CACNA2D4: variants seen among roughly 807,000 people sequenced by gnomAD.
CACNA2D4 encodes voltage-dependent calcium channel subunit alpha-2/delta-4.
Under a neutral mutation model 163.8 loss-of-function variants are expected in CACNA2D4, and 157 were observed. That is an observed-to-expected ratio of 0.96 (90% CI 0.84 to 1.09). The LOEUF is 1.09. Ranked by LOEUF, CACNA2D4 falls within the 50% of genes least tolerant of loss-of-function variation. CACNA2D4 has a pLI of 0.00. For synonymous variants in CACNA2D4, 598 were observed against 586.9 expected, an observed-to-expected ratio of 1.02 and a Z score of -0.27; for missense variants, 1,410 against 1,479.9, an observed-to-expected ratio of 0.95 and a Z score of 0.78.
intron 23 of CACNA2D4, among the ~76,000 whole-genome samples, chr12:1,848,157 T>C (rs1865193644): frequency 6.6e-6 from 1 of 152,200 alleles, no homozygotes; most frequent in African/African-American, 2.4e-5. Flanking sequence ...TTTAGAACAT[T>C]TTCATCACCC....
At chr12:1,870,415 CTGGAAA>C (rs1865744488) in intron 18 of CACNA2D4, among the ~76,000 whole-genome samples, 1 of 151,834 alleles carries the variant, frequency 6.6e-6, no homozygotes, top group Non-Finnish European at 1.5e-5. Context: ...TCCAGACACT[CTGGAAA>C]TGCAAATTCT....
intron 26 of CACNA2D4, among the ~76,000 whole-genome samples, chr12:1,825,186 G>T (rs752029448): frequency 2.6e-5 from 4 of 152,236 alleles, no homozygotes; most frequent in Non-Finnish European, 5.9e-5. Context: ...GCCTTCACCA[G>T]CCTGTTTGCT....
intron 6 of CACNA2D4, among the ~76,000 whole-genome samples, chr12:1,901,216 G>T (rs1866529155): frequency 6.6e-6 from 1 of 152,104 alleles, no homozygotes; most frequent in African/African-American, 2.4e-5. Flanking sequence ...TAAGATGGAA[G>T]TTTGTAGCTT....
chr12:1,803,711 G>A (rs1863416041), intron 29 of CACNA2D4, among the ~76,000 whole-genome samples: 1 of 152,186 alleles, frequency 6.6e-6, no homozygotes. Context: ...GGAATGGCCT[G>A]ACCACCAAAA....
In CACNA2D4 at chr12:1,834,912, G is replaced by A; in HGVS notation, c.2551+5827C>T. On this transcript the variant is annotated intron_variant, in intron 26 of 37. Coordinates refer to ENST00000382722, the MANE Select transcript of CACNA2D4 (RefSeq NM_172364.5). This position sits in a 1 kb window ranked among gnomAD's most constrained non-coding sequence, Gnocchi z 7.6. ...GGCTCCCTGAAAGCCACCGTGCTGGGGGCTCCTGCTGATGCTCCTGTCTGG... is the reference window on the plus strand; with the variant it reads ...GGCTCCCTGAAAGCCACCGTGCTGGAGGCTCCTGCTGATGCTCCTGTCTGG... 1.8e-6 allele frequency: 2 copies of A among 1,089,008 alleles called. No homozygotes were observed. The highest frequency in any genetic ancestry group is 2.6e-5 in the East Asian group (1 of 37,778). The allele number at this position is 1,089,008 out of a possible 1,614,324, so 67.5% of individuals were successfully genotyped here.
At chr12:1,815,920 GAC>G (rs967730975) in intron 26 of CACNA2D4, among the ~76,000 whole-genome samples, 8 of 152,200 alleles carry the variant, frequency 5.3e-5, no homozygotes, top group Non-Finnish European at 1.2e-4. Context: ...TTGAAGACAA[GAC>G]ACAGTATTGG....
chr12:1,810,962 C>A (rs939720707), intron 27 of CACNA2D4, among the ~76,000 whole-genome samples: 5 of 152,206 alleles, frequency 3.3e-5, no homozygotes, highest in African/African-American at 1.2e-4. Context: ...GCAGGCTCTG[C>A]AGCCCCCAGG....
chr12:1,899,548 T>C (rs1014181036), intron 6 of CACNA2D4, among the ~76,000 whole-genome samples: 1 of 152,204 alleles, frequency 6.6e-6, no homozygotes, highest in South Asian at 2.1e-4. Flanking sequence ...TCAGATAAAA[T>C]GGATGGATTC....
At chr12:1,907,812 G>A in intron 5 of CACNA2D4, 63 bp downstream of exon 5, 1 of 1,575,796 alleles carries the variant, frequency 6.3e-7, no homozygotes. Context: ...TGGTGGGCGT[G>A]TCTGGTGGGT....
chr12:1,815,013 C>A (rs1354630455), intron 26 of CACNA2D4, among the ~76,000 whole-genome samples: 1 of 152,206 alleles, frequency 6.6e-6, no homozygotes, highest in African/African-American at 2.4e-5. Context: ...CCTCGGCCTC[C>A]CTAGTAGCTA....
rs886049118 is a variant in CACNA2D4, at chr12:1,792,872, T to C, written c.*783A>G. 1.3e-5 allele frequency: 2 copies of C among 152,242 alleles called. No homozygotes were observed. The highest frequency in any genetic ancestry group is 1.3e-4 in the Admixed American group (2 of 15,280). The allele number at this position is 152,242 out of a possible 1,614,324, so 9.4% of individuals were successfully genotyped here. A position where few individuals can be genotyped will look rare whatever the true frequency, so the allele number is the denominator to read the frequency against. On this transcript the variant is annotated 3_prime_UTR_variant, in exon 38 of 38. Transcript: ENST00000382722. ...AGCTATTTTTGCCGTCCCCTGAATG[T>C]ACATCAATTTCCATGCAGCAATTGG...
At chr12:1,842,639 A>G (rs11834934) in intron 25 of CACNA2D4, among the ~76,000 whole-genome samples, 9,323 of 81,324 alleles carry the variant, frequency 0.11, 687 homozygotes, top group East Asian at 0.46. Flanking sequence ...TCATCACCAC[A>G]TAAAGCTCCC....
Position 1,917,703 on chromosome 12 carries a change from G to C in CACNA2D4, c.227+544C>G, listed in dbSNP as rs939894325. Among the ~76,000 whole-genome samples, 5 of 152,224 alleles carry C rather than the reference G, an allele frequency of 3.3e-5. No homozygotes were observed. Among genetic ancestry groups the C allele is most frequent in the African/African-American group, 1.2e-4 (5 of 41,446 alleles). On this transcript the variant is annotated intron_variant, in intron 1 of 37. Transcript: ENST00000382722. The surrounding 1 kb of genome is among the most constrained non-coding windows in gnomAD (Gnocchi z 4.3). The stretch of plus-strand genomic sequence containing the variant: ...AGAGAATCAAGGTTGGAAGGAGGCA[G>C]AAAGGTGTAGAAAGGGAAGACTGCG...
At chr12:1,812,506 G>T (rs1863745024) in intron 26 of CACNA2D4, among the ~76,000 whole-genome samples, 1 of 152,248 alleles carries the variant, frequency 6.6e-6, no homozygotes, top group Non-Finnish European at 1.5e-5. Context: ...ATATTGAAAA[G>T]AAGAAGAATT....
chr12:1,815,934 A>C (rs1863857777), intron 26 of CACNA2D4, among the ~76,000 whole-genome samples: 1 of 152,222 alleles, frequency 6.6e-6, no homozygotes, highest in African/African-American at 2.4e-5. Flanking sequence ...CAGTATTGGG[A>C]GTAAAGGCGG....
chr12:1,807,588 G>T (rs944734296), intron 29 of CACNA2D4, among the ~76,000 whole-genome samples: 1 of 151,980 alleles, frequency 6.6e-6, no homozygotes, highest in Non-Finnish European at 1.5e-5. Flanking sequence ...ACTCTCCGCC[G>T]CCCTGTCTTC....
Position 1,885,065 on chromosome 12 carries a change from C to G in CACNA2D4, c.1080G>C (p.Leu360=). Residue 360 remains leucine (L), a synonymous_variant, in exon 10 of 38, where the codon CTG becomes CTC. Transcript: ENST00000382722. ...CTTTGACCATCAACTCCTCCACCAGCAGTTTGAAATGCTGCCATGGGTGAG... is the reference window on the plus strand; with the variant it reads ...CTTTGACCATCAACTCCTCCACCAGGAGTTTGAAATGCTGCCATGGGTGAG... The part of the protein sequence containing the change: ...ADRDNREHFK[L]LVEELMVKGV... The G allele has an allele frequency of 6.2e-7, 1 of 1,613,784 alleles. No individual in the cohort carries two copies. Among genetic ancestry groups the G allele is most frequent in the South Asian group, 1.1e-5 (1 of 91,076 alleles).
intron 26 of CACNA2D4, chr12:1,831,586 C>T: frequency 7.2e-7 from 1 of 1,395,292 alleles, no homozygotes; most frequent in Admixed American, 1.9e-5. Flanking sequence ...TGGCCCCACA[C>T]TTTCCTCCTG....
At position 1,801,700 on chromosome 12, in the gene CACNA2D4, G is replaced by A. The variant is rs557477003; in HGVS notation, c.2722-56C>T. On this transcript the variant is annotated intron_variant, in intron 29 of 37. Transcript: ENST00000382722. Reference sequence around the variant, plus strand: ...AGGGAGAGAGATGGAGCAGGATGGAGCCTTCCGAGTCCAGCACTATTTATT... The same window carrying A: ...AGGGAGAGAGATGGAGCAGGATGGAACCTTCCGAGTCCAGCACTATTTATT... 106 of 1,242,854 alleles carry A rather than the reference G, an allele frequency of 8.5e-5. 2 individuals carry two copies. In the South Asian group the frequency reaches 1.3e-3, roughly 16 times the overall value. 77.0% of individuals were successfully genotyped at this position (1,242,854 alleles called of 1,614,324 possible).
Sources: allele counts gnomAD v4.1 joint callset (sites outside exome capture counted in the v4.1 genomes callset), GRCh38; gene constraint gnomAD v4.1.1; non-coding constraint Gnocchi (gnomAD v3.1); transcripts MANE v1.5; gene names NCBI Gene and HGNC (gene_info 2026-07-23, HGNC 2026-07-21).